GFRA1: variants seen among roughly 807,000 people sequenced by gnomAD.
GFRA1 encodes GDNF family receptor alpha-1.
In GFRA1, 16 loss-of-function variants were observed where a neutral mutation model predicts 51.6. The ratio of observed to expected loss-of-function variants is 0.31; its 90% CI spans 0.21 to 0.47. The LOEUF is 0.47. GFRA1 is among the 20% of genes least tolerant of loss of function. The pLI, the probability that GFRA1 is intolerant of heterozygous loss-of-function variation, is 1.00. For synonymous variants in GFRA1, 270 were observed against 241.3 expected, an observed-to-expected ratio of 1.12 and a Z score of -1.10; for missense variants, 530 against 594.3, an observed-to-expected ratio of 0.89 and a Z score of 1.13.
intron 4 of GFRA1, among the ~76,000 whole-genome samples, chr10:116,214,001 C>T (rs1965390620): frequency 6.6e-6 from 1 of 152,218 alleles, no homozygotes; most frequent in Non-Finnish European, 1.5e-5. Flanking sequence ...ACAGTAGTCT[C>T]TAACCTCAGT....
chr10:116,179,030 C>T (rs749687569), intron 5 of GFRA1, among the ~76,000 whole-genome samples: 14 of 152,216 alleles, frequency 9.2e-5, no homozygotes, highest in East Asian at 5.8e-4. Context: ...CTGGTGCGCA[C>T]GGTGTATGTT....
At chr10:116,099,470 G>A (rs1451990887) in intron 6 of GFRA1, among the ~76,000 whole-genome samples, 1 of 152,136 alleles carries the variant, frequency 6.6e-6, no homozygotes, top group Admixed American at 6.5e-5. Context: ...AGTCACCCTT[G>A]TGCCAAATGA....
chr10:116,213,041 G>A (rs1261757761), intron 4 of GFRA1, among the ~76,000 whole-genome samples: 2 of 152,154 alleles, frequency 1.3e-5, no homozygotes. Flanking sequence ...CCACTCAGAT[G>A]TGAGCCAGTT....
chr10:116,144,009 A>AT, intron 5 of GFRA1, among the ~76,000 whole-genome samples: 1 of 152,238 alleles, frequency 6.6e-6, no homozygotes, highest in Non-Finnish European at 1.5e-5. Flanking sequence ...TGATGCTTAA[A>AT]TTTTTTTGAG....
chr10:116,263,700 G>A (rs1399061118), intron 4 of GFRA1, among the ~76,000 whole-genome samples: 4 of 152,210 alleles, frequency 2.6e-5, no homozygotes, highest in African/African-American at 9.7e-5. Flanking sequence ...AGTCACCAAG[G>A]TGCACAAGAC....
At chr10:116,147,399 G>A (rs2134119577) in intron 5 of GFRA1, among the ~76,000 whole-genome samples, 1 of 152,116 alleles carries the variant, frequency 6.6e-6, no homozygotes, top group African/African-American at 2.4e-5. Flanking sequence ...GGTTGGAGCT[G>A]GTGGTTCACA....
Position 116,093,686 on chromosome 10 carries a change from T to G in GFRA1, c.1015+16A>C. The G allele has an allele frequency of 6.2e-7, 1 of 1,612,322 alleles. No homozygotes were observed. The highest frequency in any genetic ancestry group is 1.1e-5 in the South Asian group (1 of 91,058). On this transcript the variant is annotated intron_variant, in intron 8 of 10. Coordinates refer to ENST00000355422, the MANE Select transcript of GFRA1 (RefSeq NM_005264.8). ...AATGCGTTTGCTCCTTTGTTTCTTA[T>G]TTTTTACAAACTCACTAAGACATGT...
rs192617356 is a variant in GFRA1, at chr10:116,135,298, A to G, written c.434-9741T>C. Among the ~76,000 whole-genome samples the G allele has an allele frequency of 3.4e-3, 523 of 152,310 alleles. 1 individual carries two copies. Among genetic ancestry groups the G allele is most frequent in the Non-Finnish European group, 5.7e-3 (390 of 68,032 alleles). ...AACCTAATTATAATTACGGTGTATAAATCATACAATGATCAACTATAAAAA... is the reference window on the plus strand; with the variant it reads ...AACCTAATTATAATTACGGTGTATAGATCATACAATGATCAACTATAAAAA... On this transcript the variant is annotated intron_variant, in intron 5 of 10. Coordinates refer to ENST00000355422, the MANE Select transcript of GFRA1 (RefSeq NM_005264.8).
intron 5 of GFRA1, among the ~76,000 whole-genome samples, chr10:116,138,641 C>G (rs1387444107): frequency 7.1e-6 from 1 of 139,866 alleles, no homozygotes; most frequent in Non-Finnish European, 1.6e-5. Flanking sequence ...AGGAACCCCC[C>G]CCCGACCCAC....
intron 4 of GFRA1, among the ~76,000 whole-genome samples, chr10:116,239,480 A>G (rs1565672856): frequency 6.6e-6 from 1 of 152,230 alleles, no homozygotes; most frequent in Non-Finnish European, 1.5e-5. Context: ...GAGGCAGTGA[A>G]TCTAATGAGT....
At chr10:116,083,203 C>T (rs1955932005) in intron 9 of GFRA1, among the ~76,000 whole-genome samples, 1 of 152,244 alleles carries the variant, frequency 6.6e-6, no homozygotes, top group African/African-American at 2.4e-5. Context: ...TGCGGAAGAA[C>T]TGCTCTCAGG....
rs79411651 is a variant in GFRA1 at position 116,082,717 on chromosome 10, G to A, written c.1197+7024C>T. Among the ~76,000 whole-genome samples the A allele has an allele frequency of 6.1e-3, 928 of 152,258 alleles. 9 individuals carry two copies. The highest frequency in any genetic ancestry group is 0.021 in the African/African-American group (874 of 41,552). ...AGGTCTCAAACTCCTGACTTCAGGT[G>A]ATCTGCCGCCTTGGCTTCCCAAAGT... On this transcript the variant is annotated intron_variant, in intron 9 of 10. Coordinates refer to ENST00000355422, the MANE Select transcript of GFRA1 (RefSeq NM_005264.8).
chr10:116,190,957 A>C (rs1299987057), intron 5 of GFRA1, among the ~76,000 whole-genome samples: 1 of 152,220 alleles, frequency 6.6e-6, no homozygotes, highest in Non-Finnish European at 1.5e-5. Context: ...GATCTCCCTG[A>C]AATAAAAAAC....
At chr10:116,068,965 A>G (rs1023477280) in intron 9 of GFRA1, among the ~76,000 whole-genome samples, 5 of 152,214 alleles carry the variant, frequency 3.3e-5, no homozygotes, top group Non-Finnish European at 5.9e-5. Context: ...TATAAGGTAA[A>G]TTAGAAACTA....
intron 5 of GFRA1, among the ~76,000 whole-genome samples, chr10:116,142,453 A>G (rs1036793831): frequency 6.6e-6 from 1 of 152,200 alleles, no homozygotes; most frequent in African/African-American, 2.4e-5. Context: ...TTTCATTTTC[A>G]CAAAAATCCC....
intron 6 of GFRA1, among the ~76,000 whole-genome samples, chr10:116,096,972 T>C (rs576445592): frequency 6.6e-6 from 1 of 152,088 alleles, no homozygotes; most frequent in African/African-American, 2.4e-5. Flanking sequence ...CCCCCTCATG[T>C]CCCTTTCCCC....
intron 5 of GFRA1, among the ~76,000 whole-genome samples, chr10:116,186,821 G>A (rs183862127): frequency 6.6e-6 from 1 of 152,140 alleles, no homozygotes; most frequent in African/African-American, 2.4e-5. Context: ...TCTCCCCAAA[G>A]AAATGGAACA....
At chr10:116,188,232 G>A (rs1320456168) in intron 5 of GFRA1, among the ~76,000 whole-genome samples, 1 of 152,196 alleles carries the variant, frequency 6.6e-6, no homozygotes, top group Non-Finnish European at 1.5e-5. Flanking sequence ...TCAACCCCAT[G>A]CAGAGGTGCC....
chr10:116,205,352 T>G (rs2134409520), intron 5 of GFRA1, among the ~76,000 whole-genome samples: 1 of 152,066 alleles, frequency 6.6e-6, no homozygotes, highest in African/African-American at 2.4e-5. Flanking sequence ...CCAAGGTGGG[T>G]GGATCACGAG....
Sources: allele counts gnomAD v4.1 joint callset (sites outside exome capture counted in the v4.1 genomes callset), GRCh38; gene constraint gnomAD v4.1.1; transcripts MANE v1.5; gene names NCBI Gene and HGNC (gene_info 2026-07-23, HGNC 2026-07-21).